PELI2: variants seen among roughly 807,000 people sequenced by gnomAD.
PELI2 encodes the protein E3 ubiquitin-protein ligase pellino homolog 2.
A neutral mutation model predicts 42.3 loss-of-function variants in PELI2; 23 were observed. The observed-to-expected ratio is 0.54, with a 90% CI of 0.39 to 0.77. The LOEUF is 0.77. Among genes scored for constraint, PELI2 ranks in the 30% least tolerant of loss-of-function variants. The pLI, the probability that PELI2 is intolerant of heterozygous loss-of-function variation, is 0.00. For missense variants in PELI2, 463 were observed against 553.2 expected (o/e 0.84, Z 1.64); for synonymous variants, 245 against 212.2 (o/e 1.15, Z -1.34).
intron 3 of PELI2, among the ~76,000 whole-genome samples, chr14:56,281,553 T>C (rs8016955): frequency 0.029 from 4,450 of 152,182 alleles, 224 homozygotes; most frequent in African/African-American, 0.1. Flanking sequence ...AAAGAAAGAA[T>C]ATTTTATGTG....
intron 1 of PELI2, among the ~76,000 whole-genome samples, chr14:56,173,514 C>T (rs1885255997): frequency 6.6e-6 from 1 of 152,096 alleles, no homozygotes; most frequent in Non-Finnish European, 1.5e-5. Flanking sequence ...TTTATAGTTT[C>T]CTGTGGCTGC....
At chr14:56,215,577 A>G (rs1032270906) in intron 2 of PELI2, among the ~76,000 whole-genome samples, 8 of 152,232 alleles carry the variant, frequency 5.3e-5, no homozygotes, top group Non-Finnish European at 2.9e-5. Context: ...ACTTAAATCA[A>G]TTGTTGGAAA....
chr14:56,267,284 A>G (rs1888941445), intron 2 of PELI2, among the ~76,000 whole-genome samples: 1 of 152,172 alleles, frequency 6.6e-6, no homozygotes, highest in Non-Finnish European at 1.5e-5. Context: ...TCCTTTGGGT[A>G]CTTTGCAGAC....
intron 1 of PELI2, among the ~76,000 whole-genome samples, chr14:56,157,661 T>C (rs1396495966): frequency 6.6e-6 from 1 of 152,214 alleles, no homozygotes; most frequent in East Asian, 1.9e-4. Context: ...TGTTTGGCTG[T>C]TGTCCATTAA....
At chr14:56,268,996 T>C (rs1889004913) in intron 2 of PELI2, among the ~76,000 whole-genome samples, 1 of 152,298 alleles carries the variant, frequency 6.6e-6, no homozygotes, top group East Asian at 1.9e-4. Context: ...AAGTCCTGAT[T>C]GGTTTTCATT....
chr14:56,148,556 C>T (rs1884218748), intron 1 of PELI2, among the ~76,000 whole-genome samples: 1 of 152,164 alleles, frequency 6.6e-6, no homozygotes, highest in African/African-American at 2.4e-5. Context: ...TCTGGGACAC[C>T]CTGTCCTCCC....
At chr14:56,294,830 G>A (rs1279081081) in intron 5 of PELI2, among the ~76,000 whole-genome samples, 3 of 152,138 alleles carry the variant, frequency 2.0e-5, no homozygotes, top group African/African-American at 7.2e-5. Flanking sequence ...GGCTCTTGCT[G>A]TTGAACTTAT....
Position 56,288,472 on chromosome 14 carries a change from T to A in PELI2, c.345T>A (p.Val115=), listed in dbSNP as rs774597464. The change falls in exon 4 of 6, where the codon GTT becomes GTA. Residue 115 remains valine (V), a synonymous_variant. Transcript: ENST00000267460. This position sits in a 1 kb window ranked among gnomAD's most constrained non-coding sequence, Gnocchi z 4.6. Reference sequence around the variant, plus strand: ...CAACAGAAAGCCCTATCGACTTCGTTGTCACAGACACGATTTCTGGCAGCC... The same window carrying A: ...CAACAGAAAGCCCTATCGACTTCGTAGTCACAGACACGATTTCTGGCAGCC... ...GRSTESPIDF[V]VTDTISGSQN... is the part of the protein sequence containing the mutation. 8.7e-6 allele frequency: 14 copies of A among 1,613,982 alleles called. No individual in the cohort carries two copies. In the Admixed American group the frequency reaches 2.2e-4, roughly 25 times the overall value.
rs144221872 is a variant in PELI2 at position 56,194,207 on chromosome 14, C to T, written c.207+15743C>T. ...ATACACAGTTTACTTCCCACTCGGG[C>T]AGCAAGTTTCCTGGCATGTGTCTGC... On this transcript the variant is annotated intron_variant, in intron 2 of 5. Transcript: ENST00000267460. Among the ~76,000 whole-genome samples the T allele has an allele frequency of 2.1e-3, 315 of 152,298 alleles. 1 individual carries two copies. Among genetic ancestry groups the T allele is most frequent in the African/African-American group, 7.0e-3 (291 of 41,554 alleles).
chr14:56,127,981 T>C (rs969241020), intron 1 of PELI2, among the ~76,000 whole-genome samples: 3 of 152,216 alleles, frequency 2.0e-5, no homozygotes, highest in Admixed American at 6.5e-5. Flanking sequence ...CATGTGTGTA[T>C]GTATATATTT....
At chr14:56,187,195 T>TCTTA (rs1434054604) in intron 2 of PELI2, among the ~76,000 whole-genome samples, 46 of 152,370 alleles carry the variant, frequency 3.0e-4, no homozygotes, top group African/African-American at 1.1e-3. Flanking sequence ...CAAAGCTGGG[T>TCTTA]TCTGCTCCTC....
Position 56,178,595 on chromosome 14 carries a change from G to A in PELI2, c.207+131G>A, listed in dbSNP as rs1885469843. The A allele has an allele frequency of 3.8e-6, 4 of 1,055,402 alleles. No individual in the cohort carries two copies. The African/African-American group carries it at 4.7e-5, about 12-fold the overall frequency. The allele number at this position is 1,055,402 out of a possible 1,614,324, so 65.4% of individuals were successfully genotyped here. ...CTCAGACCATTTGAGGCTGGATAAT[G>A]CTTTGTTGTGAGGGGCTGTGCTGTG... On this transcript the variant is annotated intron_variant, in intron 2 of 5. Transcript: ENST00000267460.
In PELI2 at chr14:56,118,753, C is replaced by A; in HGVS notation, c.77+16C>A. 1 of 1,472,604 alleles carries A rather than the reference C, an allele frequency of 6.8e-7. No individual in the cohort carries two copies. The highest frequency in any genetic ancestry group is 9.1e-7 in the Non-Finnish European group (1 of 1,101,756). The allele number at this position is 1,472,604 out of a possible 1,614,324, so 91.2% of individuals were successfully genotyped here. ...TGGTGCTCGGGTGAGTCCTGGGGTC[C>A]CTGGTCCCGGGCAGCGGCGCGGGCG... On this transcript the variant is annotated intron_variant, in intron 1 of 5. Transcript: ENST00000267460.
chr14:56,171,077 T>C (rs1885151537), intron 1 of PELI2, among the ~76,000 whole-genome samples: 1 of 152,214 alleles, frequency 6.6e-6, no homozygotes, highest in Admixed American at 6.5e-5. Context: ...CTTTTTGCCT[T>C]TGTAAGCAGA....
Position 56,239,650 on chromosome 14 carries a change from A to G in PELI2, c.208-40026A>G, listed in dbSNP as rs779391482. Among the ~76,000 whole-genome samples, 5 of 152,294 alleles carry G rather than the reference A, an allele frequency of 3.3e-5. 1 individual carries two copies. In the South Asian group the frequency reaches 1.0e-3, roughly 32 times the overall value. On this transcript the variant is annotated intron_variant, in intron 2 of 5. Transcript: ENST00000267460. ...GTTTATCCTGTTTGTGGATATGCAT[A>G]CAGACTAGACTGGAGCCCAGGTCTT... is the stretch of plus-strand genomic sequence containing the variant.
intron 2 of PELI2, among the ~76,000 whole-genome samples, chr14:56,227,385 A>T (rs1273221377): frequency 1.3e-5 from 2 of 152,220 alleles, no homozygotes; most frequent in African/African-American, 4.8e-5. Flanking sequence ...GTGGTTAGTT[A>T]CATACAGGAA....
intron 2 of PELI2, among the ~76,000 whole-genome samples, chr14:56,256,850 T>C (rs1043009245): frequency 2.0e-5 from 3 of 152,214 alleles, no homozygotes; most frequent in Non-Finnish European, 4.4e-5. Context: ...TTAGAATGTA[T>C]GTAGGCTTCA....
chr14:56,173,502 C>G (rs907146962), intron 1 of PELI2, among the ~76,000 whole-genome samples: 5 of 152,056 alleles, frequency 3.3e-5, no homozygotes, highest in South Asian at 4.2e-4. Context: ...TTGGTTCAGG[C>G]TTTTATAGTT....
chr14:56,239,730 A>C (rs1887910387), intron 2 of PELI2, among the ~76,000 whole-genome samples: 1 of 152,158 alleles, frequency 6.6e-6, no homozygotes, highest in African/African-American at 2.4e-5. Context: ...GTGAAGGGAC[A>C]CGACCCCTCA....
Sources: allele counts gnomAD v4.1 joint callset (sites outside exome capture counted in the v4.1 genomes callset), GRCh38; gene constraint gnomAD v4.1.1; non-coding constraint Gnocchi (gnomAD v3.1); transcripts MANE v1.5; gene names NCBI Gene and HGNC (gene_info 2026-07-23, HGNC 2026-07-21).